SNTG1: variants seen among roughly 807,000 people sequenced by gnomAD.
The protein encoded by SNTG1 is gamma-1-syntrophin.
Under a neutral mutation model 74.7 loss-of-function variants are expected in SNTG1, and 39 were observed. That is an observed-to-expected ratio of 0.52 (90% CI 0.40 to 0.68). The LOEUF is 0.68. Ranked by LOEUF, SNTG1 falls within the 30% of genes least tolerant of loss-of-function variation. SNTG1 has a pLI of 0.00. For missense variants in SNTG1, 685 were observed against 609.5 expected, an observed-to-expected ratio of 1.12 and a Z score of -1.30; for synonymous variants, 254 against 217.1, an observed-to-expected ratio of 1.17 and a Z score of -1.49.
intron 9 of SNTG1, among the ~76,000 whole-genome samples, chr8:50,519,540 T>C (rs2094162048): frequency 6.6e-6 from 1 of 152,212 alleles, no homozygotes; most frequent in African/African-American, 2.4e-5. Context: ...GACATGATTG[T>C]ATATTTAGAA....
intron 1 of SNTG1, among the ~76,000 whole-genome samples, chr8:50,080,827 C>T (rs1024349922): frequency 6.6e-6 from 1 of 152,116 alleles, no homozygotes; most frequent in African/African-American, 2.4e-5. Context: ...CCAGTTTTAT[C>T]TATGAGTGAT....
Position 49,911,569 on chromosome 8 carries a change from AAAAAAG to A in SNTG1, c.-759_-754del, listed in dbSNP as rs766878202. On this transcript the variant is annotated 5_prime_UTR_variant, in exon 1 of 19. Transcript: ENST00000642720. ...GCCCCTACAAAAAAAAAAAAGAAAG[AAAAAAG>A]AAAAAAAAAAGAACCGGAGGGGAGA... 5.2e-4 allele frequency: 54 copies of A among 103,796 alleles called. No individual in the cohort carries two copies. The East Asian group carries it at 0.027, about 53-fold the overall frequency. The allele number at this position is 103,796 out of a possible 1,614,324, so 6.4% of individuals were successfully genotyped here.
rs2092814865 is a variant in SNTG1 at position 50,402,204 on chromosome 8, CT to C, written c.28-5del. On this transcript the variant is annotated splice_polypyrimidine_tract_variant and splice_region_variant and intron_variant, in intron 3 of 18. Transcript: ENST00000642720. Reference sequence around the variant, plus strand: ...TCCTCTGTTTGTTTTTTTTTTTAATCTGAAGACAAAGACAGGAATTTGTTTG... The same window carrying C: ...TCCTCTGTTTGTTTTTTTTTTTAATCGAAGACAAAGACAGGAATTTGTTTG... 1 of 1,578,312 alleles carries C rather than the reference CT, an allele frequency of 6.3e-7. No homozygotes were observed.
chr8:50,708,429 A>T (rs2095451361), intron 16 of SNTG1: 1 of 155,796 alleles, frequency 6.4e-6, no homozygotes, highest in Admixed American at 6.5e-5. Context: ...TGTGCATGAG[A>T]ATGTGGTTTA....
At chr8:50,026,748 G>T (rs1405418483) in intron 1 of SNTG1, among the ~76,000 whole-genome samples, 1 of 151,950 alleles carries the variant, frequency 6.6e-6, no homozygotes, top group Non-Finnish European at 1.5e-5. Context: ...CCCCTTGAAA[G>T]GAACAAATTT....
At position 50,795,218 on chromosome 8, in the gene SNTG1, A is replaced by C. The variant is rs1049870544; in HGVS notation, c.*2389A>C. 3.3e-5 allele frequency: 5 copies of C among 152,026 alleles called. No individual in the cohort carries two copies. Among genetic ancestry groups the C allele is most frequent in the Non-Finnish European group, 5.9e-5 (4 of 67,968 alleles). The allele number at this position is 152,026 out of a possible 1,614,324, so 9.4% of individuals were successfully genotyped here. ...ATTATGAATATTTTTGATACTATTG[A>C]TAAAAAACATAAGCCGTGATTTTTA... is the stretch of plus-strand genomic sequence containing the variant. On this transcript the variant is annotated 3_prime_UTR_variant, in exon 19 of 19. Transcript: ENST00000642720.
chr8:50,545,912 T>A (rs2094384053), intron 11 of SNTG1, among the ~76,000 whole-genome samples: 1 of 152,084 alleles, frequency 6.6e-6, no homozygotes, highest in African/African-American at 2.4e-5. Flanking sequence ...TCTCTAACAA[T>A]AAAGCGAAAT....
chr8:50,593,525 G>A (rs1000065593), intron 13 of SNTG1, among the ~76,000 whole-genome samples: 1 of 151,282 alleles, frequency 6.6e-6, no homozygotes, highest in African/African-American at 2.4e-5. Flanking sequence ...AACCAAACAG[G>A]AGTTCAAAAA....
intron 1 of SNTG1, among the ~76,000 whole-genome samples, chr8:50,083,710 G>C (rs779517556): frequency 6.6e-6 from 1 of 152,146 alleles, no homozygotes; most frequent in Non-Finnish European, 1.5e-5. Flanking sequence ...CCTTGTGGTG[G>C]TGTGCTAACA....
At chr8:50,721,970 T>C (rs953242413) in intron 17 of SNTG1, among the ~76,000 whole-genome samples, 11 of 152,122 alleles carry the variant, frequency 7.2e-5, no homozygotes, top group Admixed American at 3.3e-4. Context: ...TGTTCAGCCA[T>C]CAAATGATTC....
intron 2 of SNTG1, among the ~76,000 whole-genome samples, chr8:50,208,520 C>G (rs1036710504): frequency 6.6e-6 from 1 of 152,080 alleles, no homozygotes; most frequent in Non-Finnish European, 1.5e-5. Context: ...ATCCAATTTA[C>G]CATTCTGTGT....
intron 1 of SNTG1, among the ~76,000 whole-genome samples, chr8:50,021,432 A>G (rs1018261587): frequency 1.3e-5 from 2 of 152,144 alleles, no homozygotes; most frequent in Non-Finnish European, 2.9e-5. Context: ...TCAATGGCTC[A>G]TTTCCTCAAA....
intron 11 of SNTG1, among the ~76,000 whole-genome samples, chr8:50,540,838 C>T (rs1020677708): frequency 4.6e-5 from 7 of 151,898 alleles, no homozygotes; most frequent in Admixed American, 1.3e-4. Flanking sequence ...GTATATTCTT[C>T]TATCCTATTC....
Position 50,671,268 on chromosome 8 carries a change from G to T in SNTG1, c.1038+12605G>T, listed in dbSNP as rs964048456. 4.0e-4 allele frequency among the ~76,000 whole-genome samples: 60 copies of T among 151,658 alleles called. 1 individual carries two copies. Among genetic ancestry groups the T allele is most frequent in the African/African-American group, 1.4e-3 (57 of 41,134 alleles). On this transcript the variant is annotated intron_variant, in intron 15 of 18. Coordinates refer to ENST00000642720, the MANE Select transcript of SNTG1 (RefSeq NM_018967.5). ...TGAGTGAACAGGCAACCTACAAAAT[G>T]GGAGAAAATTTTTGCAACCTACTCA...
At chr8:50,405,390 C>T (rs2092859927) in intron 4 of SNTG1, among the ~76,000 whole-genome samples, 1 of 152,030 alleles carries the variant, frequency 6.6e-6, no homozygotes, top group South Asian at 2.1e-4. Flanking sequence ...TTGCATTCTC[C>T]TGTCAATTAA....
chr8:50,536,026 A>C (rs566485995), intron 10 of SNTG1, among the ~76,000 whole-genome samples: 1 of 152,324 alleles, frequency 6.6e-6, no homozygotes, highest in South Asian at 2.1e-4. Flanking sequence ...TCTCCTCTAT[A>C]TATAAAGGAA....
intron 1 of SNTG1, among the ~76,000 whole-genome samples, chr8:49,983,532 T>C (rs528710305): frequency 1.5e-4 from 23 of 152,330 alleles, no homozygotes; most frequent in Non-Finnish European, 2.8e-4. Context: ...TTGAGAAATT[T>C]ATGAGATCAC....
In SNTG1 at chr8:50,600,593, A is replaced by G. The variant is rs533588073; in HGVS notation, c.849+9676A>G. The stretch of plus-strand genomic sequence containing the variant: ...ATTGCCATATATTTTTGCTCATAAT[A>G]GCAAATATATAAATTTCTATTGAAT... On this transcript the variant is annotated intron_variant, in intron 13 of 18. Coordinates refer to ENST00000642720, the MANE Select transcript of SNTG1 (RefSeq NM_018967.5). Among the ~76,000 whole-genome samples, 6 of 152,232 alleles carry G rather than the reference A, an allele frequency of 3.9e-5. No homozygotes were observed. In the South Asian group the frequency reaches 1.0e-3, roughly 26 times the overall value.
At position 50,479,731 on chromosome 8, in the gene SNTG1, A is replaced by AT. The variant is rs2093725170; in HGVS notation, c.364-23046dup. Reference sequence around the variant, plus strand: ...CCTTCCTCCTCTTCAGCTGTCCCCCATATTGGTGGTGGTGGGTTTCTACCG... The same window carrying AT: ...CCTTCCTCCTCTTCAGCTGTCCCCCATTATTGGTGGTGGTGGGTTTCTACCG... On this transcript the variant is annotated intron_variant, in intron 8 of 18. Coordinates refer to ENST00000642720, the MANE Select transcript of SNTG1 (RefSeq NM_018967.5). 2.6e-5 allele frequency among the ~76,000 whole-genome samples: 4 copies of AT among 151,672 alleles called. No homozygotes were observed. In the South Asian group the frequency reaches 8.4e-4, roughly 32 times the overall value.
Sources: gnomAD v4.1 joint callset for allele counts (sites outside exome capture counted in the v4.1 genomes callset) on GRCh38, gnomAD v4.1.1 for gene constraint, MANE v1.5 for transcripts, NCBI Gene and HGNC (gene_info 2026-07-23, HGNC 2026-07-21) for gene names.